NRXN1: variants seen among roughly 807,000 people sequenced by gnomAD.
NRXN1 encodes neurexin 1.
Under a neutral mutation model 150.9 loss-of-function variants are expected in NRXN1, and 39 were observed. That is an observed-to-expected ratio of 0.26 (90% CI 0.20 to 0.34). The LOEUF (loss-of-function observed/expected upper bound fraction) is 0.34, where lower values mean the gene tolerates loss of function less well. NRXN1 is among the 10% of genes least tolerant of loss of function. The probability of loss-of-function intolerance (pLI) is 1.00; values close to 1 mark genes in which losing one functional copy is unlikely to be tolerated. For missense variants in NRXN1, 1,815 were observed against 1,949.9 expected (o/e 0.93, Z 1.30); for synonymous variants, 924 against 757.0 (o/e 1.22, Z -3.62).
intron 8 of NRXN1, among the ~76,000 whole-genome samples, chr2:50,585,497 G>A (rs1348981153): frequency 6.6e-6 from 1 of 151,968 alleles, no homozygotes; most frequent in Admixed American, 6.6e-5. Flanking sequence ...ACTAAAAAAT[G>A]GTCAAGATAG....
intron 17 of NRXN1, 94 bp downstream of exon 17, chr2:50,465,348 A>G: frequency 7.9e-7 from 1 of 1,265,264 alleles, no homozygotes; most frequent in Non-Finnish European, 1.1e-6. Flanking sequence ...ACTGACTCAG[A>G]GTTAATATAA....
At chr2:50,844,857 T>G (rs979018082) in intron 5 of NRXN1, among the ~76,000 whole-genome samples, 1 of 119,490 alleles carries the variant, frequency 8.4e-6, no homozygotes, top group African/African-American at 2.6e-5. Context: ...CCTCAGCTAA[T>G]CATTTTTTTT....
chr2:50,930,439 C>T (rs764676926), intron 2 of NRXN1, among the ~76,000 whole-genome samples: 25 of 151,900 alleles, frequency 1.6e-4, no homozygotes, highest in East Asian at 3.9e-4. Flanking sequence ...AAAGTTATTG[C>T]GATTTATAGT....
At chr2:50,545,554 G>T (rs1282466098) in intron 9 of NRXN1, among the ~76,000 whole-genome samples, 1 of 152,084 alleles carries the variant, frequency 6.6e-6, no homozygotes, top group African/African-American at 2.4e-5. Context: ...TCCCAGGTTT[G>T]ACTGATATTT....
chr2:50,810,776 T>C (rs1668106267), intron 5 of NRXN1, among the ~76,000 whole-genome samples: 2 of 152,132 alleles, frequency 1.3e-5, no homozygotes, highest in South Asian at 2.1e-4. Context: ...GGTCAGGAGA[T>C]GAAGACCATC....
intron 8 of NRXN1, among the ~76,000 whole-genome samples, chr2:50,558,789 G>A (rs537254257): frequency 1.3e-5 from 2 of 152,288 alleles, no homozygotes; most frequent in Admixed American, 1.3e-4. Flanking sequence ...GCCGAGCGCA[G>A]TGGCTCAGGC....
chr2:50,321,450 T>C (rs552154130), intron 17 of NRXN1, among the ~76,000 whole-genome samples: 1 of 152,304 alleles, frequency 6.6e-6, no homozygotes, highest in Admixed American at 6.5e-5. Context: ...GATTCACCTT[T>C]TCCATCCTAT....
At chr2:50,103,430 C>A (rs529051971) in intron 18 of NRXN1, among the ~76,000 whole-genome samples, 1 of 152,066 alleles carries the variant, frequency 6.6e-6, no homozygotes, top group South Asian at 2.1e-4. Flanking sequence ...CACCCTTGAC[C>A]CTTTCACCTT....
At chr2:50,475,525 A>G (rs1210685919) in intron 15 of NRXN1, among the ~76,000 whole-genome samples, 1 of 152,140 alleles carries the variant, frequency 6.6e-6, no homozygotes, top group African/African-American at 2.4e-5. Flanking sequence ...TTGCCTGACA[A>G]CATTGTAAAG....
intron 17 of NRXN1, among the ~76,000 whole-genome samples, chr2:50,430,616 T>A (rs992880660): frequency 6.6e-6 from 1 of 152,198 alleles, no homozygotes; most frequent in African/African-American, 2.4e-5. Flanking sequence ...GCCCCAAATT[T>A]CTAGGTGACT....
chr2:50,748,137 C>T (rs1482662464), intron 5 of NRXN1, among the ~76,000 whole-genome samples: 7 of 152,240 alleles, frequency 4.6e-5, no homozygotes, highest in Admixed American at 2.0e-4. Flanking sequence ...GAGTTTAGTG[C>T]GATATCAGAG....
At chr2:49,971,039 A>G (rs1451159249) in intron 21 of NRXN1, among the ~76,000 whole-genome samples, 2 of 152,158 alleles carry the variant, frequency 1.3e-5, no homozygotes, top group Non-Finnish European at 2.9e-5. Flanking sequence ...TGATAGGGTG[A>G]AATCTCATTT....
At chr2:50,129,620 T>G (rs992769401) in intron 18 of NRXN1, among the ~76,000 whole-genome samples, 1 of 152,184 alleles carries the variant, frequency 6.6e-6, no homozygotes, top group Non-Finnish European at 1.5e-5. Flanking sequence ...ACTATTAATT[T>G]TAATGTACAG....
At chr2:50,072,432 ACT>A (rs957970106) in intron 19 of NRXN1, among the ~76,000 whole-genome samples, 1 of 152,034 alleles carries the variant, frequency 6.6e-6, no homozygotes, top group Non-Finnish European at 1.5e-5. Flanking sequence ...CAAAAGATAC[ACT>A]GTGTCCACTT....
At chr2:50,277,907 G>T (rs2070769777) in intron 17 of NRXN1, among the ~76,000 whole-genome samples, 2 of 151,392 alleles carry the variant, frequency 1.3e-5, no homozygotes, top group African/African-American at 4.9e-5. Context: ...TACTATTAGG[G>T]GAAAAAAGAA....
intron 5 of NRXN1, among the ~76,000 whole-genome samples, chr2:50,763,176 A>G (rs1209452861): frequency 6.6e-6 from 1 of 151,962 alleles, no homozygotes; most frequent in East Asian, 1.9e-4. Flanking sequence ...GTAAGAATCG[A>G]CTAGTTCCTG....
chr2:49,920,696 TCGTGTGTGTGTGTGTGTG>T lies in NRXN1; in HGVS notation c.*1230_*1247del, dbSNP rs1668034573. ...GCATATCTGATGGATTGCTGTGGAT[TCGTGTGTGTGTGTGTGTG>T]TGTGTGTGTGTGTGTGTGTGTGTGT... On this transcript the variant is annotated 3_prime_UTR_variant, in exon 23 of 23. Transcript: ENST00000401669. 1 of 101,576 alleles carries T rather than the reference TCGTGTGTGTGTGTGTGTG, an allele frequency of 9.8e-6. No homozygotes were observed. Among genetic ancestry groups the T allele is most frequent in the African/African-American group, 3.8e-5 (1 of 26,134 alleles). 6.3% of individuals were successfully genotyped at this position (101,576 alleles called of 1,614,324 possible). A position where few individuals can be genotyped will look rare whatever the true frequency, so the allele number is the denominator to read the frequency against.
intron 18 of NRXN1, among the ~76,000 whole-genome samples, chr2:50,192,545 T>C (rs1243905402): frequency 1.3e-5 from 2 of 152,138 alleles, no homozygotes; most frequent in African/African-American, 4.8e-5. Flanking sequence ...TATAATTATA[T>C]TTTTGTAAAA....
At chr2:50,762,719 A>G (rs1701948858) in intron 5 of NRXN1, among the ~76,000 whole-genome samples, 1 of 151,828 alleles carries the variant, frequency 6.6e-6, no homozygotes, top group South Asian at 2.1e-4. Context: ...TATGCACCAG[A>G]TTTTCTTTAC....
Sources: allele counts gnomAD v4.1 joint callset (sites outside exome capture counted in the v4.1 genomes callset), GRCh38; gene constraint gnomAD v4.1.1; transcripts MANE v1.5; gene names NCBI Gene and HGNC (gene_info 2026-07-23, HGNC 2026-07-21).